PYGB: variants seen among roughly 807,000 people sequenced by gnomAD.
The protein encoded by PYGB is glycogen phosphorylase B, also known as glycogen phosphorylase, brain form.
In PYGB, 82 loss-of-function variants were observed where a neutral mutation model predicts 94.3. That is an observed-to-expected ratio of 0.87 (90% CI 0.73 to 1.04). The LOEUF is 1.04. Among genes scored for constraint, PYGB ranks in the 50% least tolerant of loss-of-function variants. The pLI is 0.00. For missense variants in PYGB, 1,132 were observed against 1,158.2 expected (o/e 0.98, Z 0.33); for synonymous variants, 488 against 479.1 (o/e 1.02, Z -0.24).
At chr20:25,256,894 A>T (rs1471532908) in intron 1 of PYGB, among the ~76,000 whole-genome samples, 2 of 152,246 alleles carry the variant, frequency 1.3e-5, no homozygotes, top group Admixed American at 1.3e-4. Context: ...GCCACTTGGC[A>T]ACTTTCTAGG....
chr20:25,279,363 T>C (rs1359195765), intron 9 of PYGB, among the ~76,000 whole-genome samples: 4 of 152,066 alleles, frequency 2.6e-5, no homozygotes, highest in African/African-American at 7.2e-5. Context: ...GGGGAGATGA[T>C]AAGGATAGGG....
At chr20:25,281,154 C>A (rs1422827555) in intron 11 of PYGB, 42 bp downstream of exon 11, 1 of 1,607,876 alleles carries the variant, frequency 6.2e-7, no homozygotes, top group African/African-American at 1.3e-5. Flanking sequence ...CTCTGTCTGA[C>A]ACCCAGGCCT....
intron 1 of PYGB, among the ~76,000 whole-genome samples, chr20:25,252,231 T>A (rs1468402450): frequency 1.3e-5 from 2 of 152,242 alleles, no homozygotes; most frequent in African/African-American, 4.8e-5. Context: ...TTTTAGCAGA[T>A]GGAGAAGCCT....
At position 25,265,517 on chromosome 20, in the gene PYGB, A is replaced by C. The variant is rs2474766; in HGVS notation, c.346-3612A>C. ...TTTCACGTGCTTGTGGGCCATTTGT[A>C]TATCTTGTTTGAAGAAAAGCCTATT... On this transcript the variant is annotated intron_variant, in intron 2 of 19. Transcript: ENST00000216962. 2.6e-5 allele frequency among the ~76,000 whole-genome samples: 4 copies of C among 151,548 alleles called. No individual in the cohort carries two copies. In the East Asian group the frequency reaches 7.7e-4, roughly 29 times the overall value.
intron 1 of PYGB, among the ~76,000 whole-genome samples, chr20:25,251,700 G>C (rs1191272469): frequency 1.3e-5 from 2 of 152,200 alleles, no homozygotes; most frequent in Non-Finnish European, 2.9e-5. Flanking sequence ...GGTTTATTCT[G>C]TGGGCCTTTG....
intron 9 of PYGB, among the ~76,000 whole-genome samples, chr20:25,279,758 G>T (rs891157879): frequency 6.6e-6 from 1 of 152,042 alleles, no homozygotes; most frequent in Non-Finnish European, 1.5e-5. Flanking sequence ...ACCATAAAAC[G>T]ATTTTTTTTA....
At chr20:25,276,119 G>T (rs1312320205) in intron 5 of PYGB, among the ~76,000 whole-genome samples, 1 of 152,140 alleles carries the variant, frequency 6.6e-6, no homozygotes, top group Non-Finnish European at 1.5e-5. Context: ...GGGGTGGAGG[G>T]AGCGCAGCTG....
chr20:25,261,096 A>G (rs892613954), intron 2 of PYGB, among the ~76,000 whole-genome samples: 2 of 152,326 alleles, frequency 1.3e-5, no homozygotes, highest in East Asian at 3.9e-4. Context: ...TCTGCAGACA[A>G]ATGTCTCTGT....
intron 1 of PYGB, among the ~76,000 whole-genome samples, chr20:25,249,886 TAGCGTGA>T (rs2092882781): frequency 6.6e-6 from 1 of 151,460 alleles, no homozygotes; most frequent in African/African-American, 2.4e-5. Context: ...TCTTGCCCTG[TAGCGTGA>T]AGCTAGAGTG....
chr20:25,250,475 T>C (rs1479870713), intron 1 of PYGB, among the ~76,000 whole-genome samples: 2 of 152,228 alleles, frequency 1.3e-5, no homozygotes, highest in African/African-American at 4.8e-5. Flanking sequence ...TTGTAAACTT[T>C]TAGATCTCAC....
intron 16 of PYGB, among the ~76,000 whole-genome samples, chr20:25,291,663 G>A (rs1206913495): frequency 3.3e-5 from 5 of 151,850 alleles, no homozygotes; most frequent in Non-Finnish European, 5.9e-5. Context: ...CCTCTCCCCC[G>A]TGCTGCCTGA....
intron 15 of PYGB, among the ~76,000 whole-genome samples, chr20:25,288,846 T>G (rs1007905927): frequency 1.3e-5 from 2 of 152,228 alleles, no homozygotes; most frequent in African/African-American, 4.8e-5. Flanking sequence ...TTCAGTTCAC[T>G]TTATTTACTA....
chr20:25,276,416 T>C (rs951831910), intron 5 of PYGB, among the ~76,000 whole-genome samples: 1 of 150,704 alleles, frequency 6.6e-6, no homozygotes, highest in African/African-American at 2.5e-5. Context: ...CTGGGGAGGG[T>C]GGTGGGACGG....
intron 2 of PYGB, among the ~76,000 whole-genome samples, chr20:25,260,637 G>A (rs1410608372): frequency 2.6e-5 from 4 of 152,202 alleles, no homozygotes; most frequent in African/African-American, 9.6e-5. Flanking sequence ...GACTGTGGGT[G>A]TAGCCCACCG....
At chr20:25,261,324 G>A (rs1600723624) in intron 2 of PYGB, among the ~76,000 whole-genome samples, 3 of 152,236 alleles carry the variant, frequency 2.0e-5, no homozygotes, top group South Asian at 4.1e-4. Context: ...CTGTTCTGCA[G>A]TATTCACTGT....
chr20:25,289,424 C>T (rs988345497), intron 15 of PYGB, among the ~76,000 whole-genome samples: 1 of 152,122 alleles, frequency 6.6e-6, no homozygotes, highest in East Asian at 1.9e-4. Context: ...GCGGGTGGAT[C>T]GCATGAGCCC....
chr20:25,268,411 T>C (rs2088238468), intron 2 of PYGB, among the ~76,000 whole-genome samples: 1 of 152,128 alleles, frequency 6.6e-6, no homozygotes, highest in African/African-American at 2.4e-5. Context: ...AATTAAACTT[T>C]GTTGTTTATG....
At position 25,291,956 on chromosome 20, in the gene PYGB, G is replaced by A. The variant is rs551552833; in HGVS notation, c.1970-450G>A. On this transcript the variant is annotated intron_variant, in intron 16 of 19. Transcript: ENST00000216962. Reference sequence around the variant, plus strand: ...ATCTGGCAGCTGCTGGCGCCCAGGAGGTCGCCACCCCTCAGCCGCTCCAGC... The same window carrying A: ...ATCTGGCAGCTGCTGGCGCCCAGGAAGTCGCCACCCCTCAGCCGCTCCAGC... Among the ~76,000 whole-genome samples, 4 of 152,286 alleles carry A rather than the reference G, an allele frequency of 2.6e-5. No individual in the cohort carries two copies. The South Asian group carries it at 8.3e-4, about 32-fold the overall frequency.
intron 2 of PYGB, among the ~76,000 whole-genome samples, chr20:25,267,594 G>C (rs1014122621): frequency 2.0e-5 from 3 of 152,106 alleles, no homozygotes; most frequent in Admixed American, 6.5e-5. Context: ...GCAATGATAC[G>C]ATCACGGCTC....
Sources: allele counts gnomAD v4.1 joint callset (sites outside exome capture counted in the v4.1 genomes callset), GRCh38; gene constraint gnomAD v4.1.1; transcripts MANE v1.5; gene names NCBI Gene and HGNC (gene_info 2026-07-23, HGNC 2026-07-21).